The following MKLN1 variants were observed in gnomAD, a reference collection of about 807,000 sequenced individuals.
MKLN1 encodes the protein muskelin 1, also known as muskelin.
Under a neutral mutation model 99.0 loss-of-function variants are expected in MKLN1, and 18 were observed. That is an observed-to-expected ratio of 0.18 (90% CI 0.13 to 0.27). The LOEUF (loss-of-function observed/expected upper bound fraction) is 0.27. MKLN1 is among the 10% of genes least tolerant of loss of function. The pLI is 1.00. For synonymous variants in MKLN1, 288 were observed against 293.2 expected (o/e 0.98, Z 0.18); for missense variants, 621 against 875.9 (o/e 0.71, Z 3.67).
Position 131,266,593 on chromosome 7 carries a change from A to G in MKLN1, c.-179+63619A>G, listed in dbSNP as rs77235616. 6.7e-3 allele frequency among the ~76,000 whole-genome samples: 1,025 copies of G among 152,256 alleles called. 9 individuals carry two copies. The highest frequency in any genetic ancestry group is 0.022 in the African/African-American group (931 of 41,548). On this transcript the variant is annotated intron_variant, in intron 3 of 7. Transcript: ENST00000416992. The stretch of plus-strand genomic sequence containing the variant: ...GTAACATAGTTCTACATGGCCACAC[A>G]GGTCTCCCTCAAGAACTGTCTAGTC...
chr7:131,197,957 C>T (rs1166285958), intron 2 of MKLN1, among the ~76,000 whole-genome samples: 1 of 152,078 alleles, frequency 6.6e-6, no homozygotes, highest in African/African-American at 2.4e-5. Context: ...ACCTCGGCCT[C>T]CTGAGTAGCT....
rs61413385 is a variant in MKLN1, at chr7:131,260,048, AT to A, written c.-179+57087del. Reference sequence around the variant, plus strand: ...AAAACAATGTACAGAAATCAGCAGCATTTTTTTTTTTTTAAGAGACGGGGTC... The same window carrying A: ...AAAACAATGTACAGAAATCAGCAGCATTTTTTTTTTTTAAGAGACGGGGTC... On this transcript the variant is annotated intron_variant, in intron 3 of 7. Coordinates refer to the MKLN1 transcript ENST00000416992. 2.3e-3 allele frequency among the ~76,000 whole-genome samples: 340 copies of A among 150,598 alleles called. 2 individuals carry two copies. The highest frequency in any genetic ancestry group is 6.5e-3 in the African/African-American group (268 of 40,992).
At position 131,492,718 on chromosome 7, in the gene MKLN1, G is replaced by C; in HGVS notation, c.*4990G>C. ...ACACTGCACTCCAGCCTGGGCAACA[G>C]AGCAAGACCCTGTCTCAAAAAAAAA... On this transcript the variant is annotated 3_prime_UTR_variant, in exon 18 of 18. Transcript: ENST00000352689. The C allele has an allele frequency of 7.6e-6, 1 of 132,016 alleles. No individual in the cohort carries two copies. Among genetic ancestry groups the C allele is most frequent in the Non-Finnish European group, 1.6e-5 (1 of 64,488 alleles). 8.2% of individuals were successfully genotyped at this position (132,016 alleles called of 1,614,324 possible). A position where few individuals can be genotyped will look rare whatever the true frequency, so the allele number is the denominator to read the frequency against.
intron 3 of MKLN1, among the ~76,000 whole-genome samples, chr7:131,257,696 C>T (rs1349806197): frequency 1.3e-5 from 2 of 150,984 alleles, no homozygotes; most frequent in Non-Finnish European, 2.9e-5. Context: ...ACTGAGGCCA[C>T]CTAAAAGGAG....
chr7:131,309,721 ATTTTTTTTTT>A (rs59130761), intron 3 of MKLN1: 1 of 87,544 alleles, frequency 1.1e-5, no homozygotes, highest in Non-Finnish European at 2.1e-5. Context: ...CCACAAGTGG[ATTTTTTTTTT>A]TTTTTTTTTT....
chr7:131,140,985 C>G (rs6977414), intron 1 of MKLN1, among the ~76,000 whole-genome samples: 71,432 of 151,846 alleles, frequency 0.47, 17,937 homozygotes, highest in Non-Finnish European at 0.56. Flanking sequence ...GGGGCTTCAC[C>G]GTGTTAGCCA....
intron 3 of MKLN1, among the ~76,000 whole-genome samples, chr7:131,292,288 C>T (rs1482984888): frequency 1.3e-5 from 2 of 152,004 alleles, no homozygotes; most frequent in East Asian, 1.9e-4. Flanking sequence ...GCGAGAATGC[C>T]AGCTAATAAA....
intron 7 of MKLN1, among the ~76,000 whole-genome samples, chr7:131,413,125 T>A (rs1174254579): frequency 6.6e-6 from 1 of 152,164 alleles, no homozygotes; most frequent in Non-Finnish European, 1.5e-5. Context: ...CTAAATCTAT[T>A]CTTAAAGATG....
At chr7:131,328,625 G>A (rs1009401129) in intron 1 of MKLN1, among the ~76,000 whole-genome samples, 5 of 152,188 alleles carry the variant, frequency 3.3e-5, no homozygotes, top group Admixed American at 3.3e-4. Flanking sequence ...GATAGGGAGT[G>A]GGAAGGAGGG....
At chr7:131,166,141 G>T (rs979132819) in intron 2 of MKLN1, among the ~76,000 whole-genome samples, 1 of 151,978 alleles carries the variant, frequency 6.6e-6, no homozygotes, top group Non-Finnish European at 1.5e-5. Context: ...GGCTTTTGGC[G>T]GTAGGAATGG....
At position 131,244,332 on chromosome 7, in the gene MKLN1, G is replaced by A. The variant is rs1305354523; in HGVS notation, c.-179+41358G>A. 3.3e-5 allele frequency among the ~76,000 whole-genome samples: 5 copies of A among 152,216 alleles called. No individual in the cohort carries two copies. In the East Asian group the frequency reaches 7.7e-4, roughly 23 times the overall value. ...TTCATGACCCGCTCCTCCCTCCAACGCCAGAGCTGCAGGCAGTTCTCTGAA... is the reference window on the plus strand; with the variant it reads ...TTCATGACCCGCTCCTCCCTCCAACACCAGAGCTGCAGGCAGTTCTCTGAA... On this transcript the variant is annotated intron_variant, in intron 3 of 7. Transcript: ENST00000416992.
At chr7:131,437,754 T>C in intron 9 of MKLN1, 31 bp from the exon 10 acceptor site, 1 of 1,487,080 alleles carries the variant, frequency 6.7e-7, no homozygotes, top group Non-Finnish European at 9.3e-7. Context: ...CTTTATTTGT[T>C]TATTTATTTA....
chr7:131,366,998 A>G (rs1304947009), intron 1 of MKLN1, among the ~76,000 whole-genome samples: 1 of 152,238 alleles, frequency 6.6e-6, no homozygotes, highest in Non-Finnish European at 1.5e-5. Flanking sequence ...ATATACAGAT[A>G]TAGTAGATTT....
intron 4 of MKLN1, among the ~76,000 whole-genome samples, chr7:131,392,207 A>G (rs1458474992): frequency 6.6e-6 from 1 of 152,174 alleles, no homozygotes; most frequent in African/African-American, 2.4e-5. Flanking sequence ...AAAGAGGTAC[A>G]GGGTCTTGGA....
At chr7:131,478,455 A>T in intron 16 of MKLN1, 168 bp from the exon 17 acceptor site, 1 of 523,020 alleles carries the variant, frequency 1.9e-6, no homozygotes, top group Non-Finnish European at 3.0e-6. Context: ...ATATTCTGTA[A>T]TCTGAATGTG....
At chr7:131,327,758 G>A (rs1169240700), upstream of MKLN1, 98 of 1,399,694 alleles carry the variant, frequency 7.0e-5, no homozygotes, top group Non-Finnish European at 8.2e-5. Flanking sequence ...ACATTGGCCC[G>A]GCGCTGGGCT....
In MKLN1 at chr7:131,466,394, A is replaced by G. The variant is rs1246118798; in HGVS notation, c.1907A>G (p.Lys636Arg). 18 of 1,592,742 alleles carry G rather than the reference A, an allele frequency of 1.1e-5. No individual in the cohort carries two copies. The highest frequency in any genetic ancestry group is 1.5e-5 in the Non-Finnish European group (18 of 1,166,534). ...AAAGATTATTTACTGAGGCATTGCA[A>G]GTACCTCATAAGAAAACACAGGTAT... ...PSKDYLLRHC[K>R]YLIRKHRFEE... The change falls in exon 15 of 18, where the codon AAG (lysine) becomes AGG (arginine). Residue 636 changes from lysine (K) to arginine (R), a missense_variant. Physicochemically the swap from Lys to Arg is conservative, Grantham distance 26 (BLOSUM62 2). Around this residue, in one of 8 missense-constraint regions of MKLN1, gnomAD observed 126 missense variants for 157.4 expected, o/e 0.80. Coordinates refer to ENST00000352689, the MANE Select transcript of MKLN1 (RefSeq NM_013255.5).
intron 2 of MKLN1, among the ~76,000 whole-genome samples, chr7:131,162,059 T>C (rs1026084674): frequency 3.4e-5 from 5 of 149,228 alleles, no homozygotes; most frequent in Non-Finnish European, 5.9e-5. Context: ...TATATATATG[T>C]ATATCACTCT....
intron 8 of MKLN1, among the ~76,000 whole-genome samples, chr7:131,424,686 G>C (rs1219236269): frequency 6.6e-6 from 1 of 152,144 alleles, no homozygotes; most frequent in Non-Finnish European, 1.5e-5. Flanking sequence ...GAATGTGGTT[G>C]AATTTTAGTT....
Sources: gnomAD v4.1 joint callset for allele counts (sites outside exome capture counted in the v4.1 genomes callset) on GRCh38, gnomAD v4.1.1 for gene constraint, gnomAD v4.1.1 regional missense constraint, MANE v1.5 for transcripts, NCBI Gene and HGNC (gene_info 2026-07-23, HGNC 2026-07-21) for gene names.